KCNH1: variants seen among roughly 807,000 people sequenced by gnomAD.
KCNH1 encodes voltage-gated delayed rectifier potassium channel KCNH1.
Under a neutral mutation model 69.2 loss-of-function variants are expected in KCNH1, and 27 were observed. That is an observed-to-expected ratio of 0.39 (90% CI 0.29 to 0.54). KCNH1 has a LOEUF of 0.54. KCNH1 is among the 20% of genes least tolerant of loss of function. KCNH1 has a pLI of 0.68. For synonymous variants in KCNH1, 456 were observed against 487.7 expected (o/e 0.93, Z 0.86); for missense variants, 798 against 1,261.6 (o/e 0.63, Z 5.57).
At chr1:210,835,205 A>G (rs1003571675) in intron 7 of KCNH1, among the ~76,000 whole-genome samples, 13 of 152,194 alleles carry the variant, frequency 8.5e-5, no homozygotes, top group African/African-American at 3.1e-4. Context: ...AGGCACAAAC[A>G]AGGTAAGGTC....
intron 7 of KCNH1, among the ~76,000 whole-genome samples, chr1:210,828,250 T>C (rs1399876862): frequency 1.3e-5 from 2 of 152,206 alleles, no homozygotes; most frequent in African/African-American, 4.8e-5. Flanking sequence ...CAATAAATGA[T>C]AGTAGCTACA....
At chr1:210,986,229 C>A (rs1366034866) in intron 6 of KCNH1, among the ~76,000 whole-genome samples, 3 of 152,174 alleles carry the variant, frequency 2.0e-5, no homozygotes, top group Admixed American at 2.0e-4. Flanking sequence ...GGTCTTGCCT[C>A]TTTATCCAAT....
At chr1:210,976,606 T>G (rs1165447607) in intron 6 of KCNH1, among the ~76,000 whole-genome samples, 1 of 132,386 alleles carries the variant, frequency 7.6e-6, no homozygotes, top group African/African-American at 2.8e-5. Context: ...TTACTGGGTA[T>G]ATACCCAAAG....
At chr1:210,876,702 A>C (rs559705916) in intron 7 of KCNH1, among the ~76,000 whole-genome samples, 32 of 152,296 alleles carry the variant, frequency 2.1e-4, no homozygotes, top group African/African-American at 7.5e-4. Flanking sequence ...CAAGCTGAAG[A>C]GGAAACCAGT....
intron 10 of KCNH1, among the ~76,000 whole-genome samples, chr1:210,771,000 A>G (rs1310722682): frequency 6.6e-6 from 1 of 152,250 alleles, no homozygotes; most frequent in Non-Finnish European, 1.5e-5. Flanking sequence ...GGAATGATAC[A>G]GTAATGTCAT....
chr1:210,943,506 G>A (rs1687908185), intron 6 of KCNH1, among the ~76,000 whole-genome samples: 1 of 151,964 alleles, frequency 6.6e-6, no homozygotes, highest in South Asian at 2.1e-4. Flanking sequence ...ACACCGCCAC[G>A]CCCGGCTAAT....
At chr1:210,741,893 G>C (rs554771616) in intron 10 of KCNH1, among the ~76,000 whole-genome samples, 1 of 152,220 alleles carries the variant, frequency 6.6e-6, no homozygotes, top group Non-Finnish European at 1.5e-5. Flanking sequence ...TGTGCTGGGG[G>C]ATGGGCAGAA....
At chr1:210,739,554 C>T (rs1203431259) in intron 10 of KCNH1, among the ~76,000 whole-genome samples, 1 of 152,218 alleles carries the variant, frequency 6.6e-6, no homozygotes, top group African/African-American at 2.4e-5. Flanking sequence ...TGAACATGCA[C>T]TGCTGGGCTG....
At chr1:211,035,320 C>T (rs1689876546) in intron 5 of KCNH1, among the ~76,000 whole-genome samples, 1 of 130,230 alleles carries the variant, frequency 7.7e-6, no homozygotes. Context: ...GGGATCTCGG[C>T]TCACTGCAAG....
chr1:210,917,639 T>G (rs1687375999), intron 7 of KCNH1, among the ~76,000 whole-genome samples: 1 of 152,194 alleles, frequency 6.6e-6, no homozygotes, highest in Non-Finnish European at 1.5e-5. Flanking sequence ...AAATGATCAC[T>G]CTTAGCAAAT....
chr1:210,774,912 A>G (rs1322975302), intron 10 of KCNH1, among the ~76,000 whole-genome samples: 3 of 152,216 alleles, frequency 2.0e-5, no homozygotes, highest in Non-Finnish European at 4.4e-5. Context: ...CTGTTAAAAA[A>G]TTACCATTAC....
chr1:211,118,522 G>A (rs1417995221), intron 1 of KCNH1, among the ~76,000 whole-genome samples: 1 of 152,198 alleles, frequency 6.6e-6, no homozygotes, highest in Non-Finnish European at 1.5e-5. Flanking sequence ...ATAGCTGCAA[G>A]AGTGTGTGCA....
Position 210,775,590 on chromosome 1 carries a change from T to C in KCNH1, c.1916-46A>G, listed in dbSNP as rs374975987. The C allele has an allele frequency of 1.0e-4, 154 of 1,490,932 alleles. 3 individuals carry two copies. The South Asian group carries it at 1.6e-3, about 15-fold the overall frequency. 92.4% of individuals were successfully genotyped at this position (1,490,932 alleles called of 1,614,324 possible). A position where few individuals can be genotyped will look rare whatever the true frequency, so the allele number is the denominator to read the frequency against. On this transcript the variant is annotated intron_variant, in intron 9 of 10. Transcript: ENST00000271751. ...TGAGGAAAGTGTTGGCCAGGAGAGG[T>C]CTGCCCATCCAGCTGGCTTCCCTCT...
chr1:210,901,493 G>C (rs771790884), intron 7 of KCNH1, among the ~76,000 whole-genome samples: 15 of 152,182 alleles, frequency 9.9e-5, no homozygotes, highest in Non-Finnish European at 1.8e-4. Flanking sequence ...ACATGAAGTG[G>C]AGAGTCAAAA....
At chr1:211,100,289 G>C (rs1186902335) in intron 3 of KCNH1, among the ~76,000 whole-genome samples, 1 of 152,038 alleles carries the variant, frequency 6.6e-6, no homozygotes, top group African/African-American at 2.4e-5. Flanking sequence ...TATTTAACTT[G>C]GCCGTGTGAC....
At chr1:211,071,234 T>C (rs927155917) in intron 5 of KCNH1, among the ~76,000 whole-genome samples, 2 of 152,200 alleles carry the variant, frequency 1.3e-5, no homozygotes, top group African/African-American at 2.4e-5. Flanking sequence ...CCCCAATCTA[T>C]GATACATATG....
chr1:210,894,172 T>C (rs1177578009), intron 7 of KCNH1, among the ~76,000 whole-genome samples: 1 of 152,232 alleles, frequency 6.6e-6, no homozygotes, highest in Non-Finnish European at 1.5e-5. Flanking sequence ...GGGTACTGGA[T>C]ATTTTTGTAT....
intron 1 of KCNH1, among the ~76,000 whole-genome samples, chr1:211,118,641 C>T (rs1465989352): frequency 6.6e-6 from 1 of 152,186 alleles, no homozygotes; most frequent in Non-Finnish European, 1.5e-5. Context: ...TCCCTTCCTC[C>T]CCCTACTGTG....
At chr1:211,036,838 T>TC (rs1198636486) in intron 5 of KCNH1, among the ~76,000 whole-genome samples, 1 of 152,120 alleles carries the variant, frequency 6.6e-6, no homozygotes, top group African/African-American at 2.4e-5. Context: ...TCTGTCCTAT[T>TC]CCCCCAGTCA....
Sources: allele counts gnomAD v4.1 joint callset (sites outside exome capture counted in the v4.1 genomes callset), GRCh38; gene constraint gnomAD v4.1.1; transcripts MANE v1.5; gene names NCBI Gene and HGNC (gene_info 2026-07-23, HGNC 2026-07-21).